Variants in ZC3H6 observed in about 807,000 individuals in gnomAD.
ZC3H6 encodes the protein zinc finger CCCH-type containing 6.
Under a neutral mutation model 107.7 loss-of-function variants are expected in ZC3H6, and 40 were observed. That is an observed-to-expected ratio of 0.37 (90% CI 0.29 to 0.48). The LOEUF (loss-of-function observed/expected upper bound fraction) is 0.48. ZC3H6 is among the 20% of genes least tolerant of loss of function. The pLI, the probability that ZC3H6 is intolerant of heterozygous loss-of-function variation, is 0.98. For synonymous variants in ZC3H6, 493 were observed against 487.9 expected, an observed-to-expected ratio of 1.01 and a Z score of -0.14; for missense variants, 1,267 against 1,410.4, an observed-to-expected ratio of 0.90 and a Z score of 1.63.
chr2:112,324,624 C>T lies in ZC3H6; in HGVS notation c.1813C>T (p.His605Tyr). Residue 605 changes from histidine (H) to tyrosine (Y), a missense_variant, in exon 10 of 12, where the codon CAT becomes TAT. By Grantham distance (83) the His-to-Tyr change is moderately conservative. Coordinates refer to ENST00000409871, the MANE Select transcript of ZC3H6 (RefSeq NM_198581.3). The stretch of plus-strand genomic sequence containing the variant: ...GTTTTACGATAATTACTATGCACAG[C>T]ATTCTATACATAATTTTCAGCCACC... The part of the protein sequence containing the change: ...AEFYDNYYAQ[H>Y]SIHNFQPPNN... 1 of 1,609,022 alleles carries T rather than the reference C, an allele frequency of 6.2e-7. No homozygotes were observed. The highest frequency in any genetic ancestry group is 2.2e-5 in the East Asian group (1 of 44,820).
At position 112,331,207 on chromosome 2, in the gene ZC3H6, C is replaced by T. The variant is rs574449160; in HGVS notation, c.2289C>T (p.Ile763=). 1.2e-6 allele frequency: 2 copies of T among 1,613,244 alleles called. No homozygotes were observed. Among genetic ancestry groups the T allele is most frequent in the Non-Finnish European group, 1.7e-6 (2 of 1,179,728 alleles). ...TGGTTGACCCTAGGCTTAGGACTAT[C>T]CCAAGGCAAGACATTAGAAAGCCTT... ...NQVVDPRLRT[I]PRQDIRKPSE... Residue 763 remains isoleucine (I), a synonymous_variant, in exon 12 of 12, where the codon ATC becomes ATT. Transcript: ENST00000409871.
Position 112,332,936 on chromosome 2 carries a change from A to G in ZC3H6, c.*448A>G, listed in dbSNP as rs1677065728. ...ACAGAACTGATTAATATGTAATGCT[A>G]CCTGCTAATTAAAATGTAAAATCAA... On this transcript the variant is annotated 3_prime_UTR_variant, in exon 12 of 12. Coordinates refer to ENST00000409871, the MANE Select transcript of ZC3H6 (RefSeq NM_198581.3). The G allele has an allele frequency of 6.5e-6, 1 of 152,972 alleles. No individual in the cohort carries two copies. Among genetic ancestry groups the G allele is most frequent in the Non-Finnish European group, 1.5e-5 (1 of 68,248 alleles). The allele number at this position is 152,972 out of a possible 1,614,324, so 9.5% of individuals were successfully genotyped here.
intron 1 of ZC3H6, among the ~76,000 whole-genome samples, chr2:112,288,138 T>G (rs185006032): frequency 4.6e-5 from 7 of 152,304 alleles, no homozygotes; most frequent in African/African-American, 1.7e-4. Context: ...GAGTGTTGCA[T>G]AGAGATGGAA....
chr2:112,277,107 A>G (rs1686441283), intron 1 of ZC3H6, among the ~76,000 whole-genome samples: 1 of 152,216 alleles, frequency 6.6e-6, no homozygotes, highest in Non-Finnish European at 1.5e-5. Context: ...TGAAATATCT[A>G]AATACCTAGC....
chr2:112,318,307 C>A (rs968788214), intron 7 of ZC3H6, among the ~76,000 whole-genome samples: 6 of 152,018 alleles, frequency 3.9e-5, no homozygotes, highest in Non-Finnish European at 8.8e-5. Context: ...AATTTTGACT[C>A]CATGAAAAAG....
At chr2:112,276,222 C>T (rs969673966) in intron 1 of ZC3H6, among the ~76,000 whole-genome samples, 196 bp downstream of exon 1, 1 of 148,418 alleles carries the variant, frequency 6.7e-6, no homozygotes, top group Admixed American at 6.7e-5. Context: ...CCCGCCTCCC[C>T]GAGCCGGGGT....
At chr2:112,322,422 T>C (rs938427280) in intron 8 of ZC3H6, among the ~76,000 whole-genome samples, 2 of 151,924 alleles carry the variant, frequency 1.3e-5, no homozygotes, top group African/African-American at 4.8e-5. Context: ...ATTTTTGCAT[T>C]TTTTGTAGAG....
At chr2:112,323,530 G>A (rs1289714080) in intron 9 of ZC3H6, among the ~76,000 whole-genome samples, 1 of 152,068 alleles carries the variant, frequency 6.6e-6, no homozygotes, top group Non-Finnish European at 1.5e-5. Context: ...CACTATTTTG[G>A]TAATATTATA....
intron 3 of ZC3H6, among the ~76,000 whole-genome samples, chr2:112,304,213 T>C (rs557617413): frequency 2.1e-4 from 32 of 152,230 alleles, no homozygotes; most frequent in African/African-American, 7.7e-4. Context: ...AAGAGAAAAA[T>C]TAAACTTTCA....
chr2:112,286,014 G>C (rs886412908), intron 1 of ZC3H6: 3 of 226,198 alleles, frequency 1.3e-5, no homozygotes, highest in Non-Finnish European at 1.8e-5. Flanking sequence ...ATGATTAATA[G>C]ATGATTTATT....
chr2:112,316,005 G>A lies in ZC3H6; in HGVS notation c.748-465G>A, dbSNP rs186926214. On this transcript the variant is annotated intron_variant, in intron 5 of 11. Coordinates refer to ENST00000409871, the MANE Select transcript of ZC3H6 (RefSeq NM_198581.3). ...GTTTTAAATGTGTAGAGTGTTTCTC[G>A]TTTTGCTGTTTGTTTTACTATGTCA... Among the ~76,000 whole-genome samples, 12 of 152,074 alleles carry A rather than the reference G, an allele frequency of 7.9e-5. No homozygotes were observed. The East Asian group carries it at 1.5e-3, about 20-fold the overall frequency.
At chr2:112,295,425 A>G (rs1676214206) in intron 1 of ZC3H6, among the ~76,000 whole-genome samples, 1 of 152,154 alleles carries the variant, frequency 6.6e-6, no homozygotes, top group African/African-American at 2.4e-5. Flanking sequence ...AATTATTTCT[A>G]TTACCTCTTC....
intron 5 of ZC3H6, among the ~76,000 whole-genome samples, chr2:112,314,966 A>G (rs1676669607): frequency 6.6e-6 from 1 of 152,190 alleles, no homozygotes; most frequent in African/African-American, 2.4e-5. Context: ...TTGAGCTGTG[A>G]ATGCTGGGGA....
At chr2:112,307,837 G>A (rs1676506518) in intron 3 of ZC3H6, among the ~76,000 whole-genome samples, 1 of 152,216 alleles carries the variant, frequency 6.6e-6, no homozygotes, top group Middle Eastern at 3.4e-3. Context: ...TTCTACTTAA[G>A]GTAAGAACAC....
rs1460037900 is a variant in ZC3H6 at position 112,299,859 on chromosome 2, G to A, written c.43G>A (p.Glu15Lys). The A allele has an allele frequency of 6.4e-6, 9 of 1,414,570 alleles. No individual in the cohort carries two copies. Among genetic ancestry groups the A allele is most frequent in the Non-Finnish European group, 7.4e-6 (8 of 1,083,334 alleles). 87.6% of individuals were successfully genotyped at this position (1,414,570 alleles called of 1,614,324 possible). A position where few individuals can be genotyped will look rare whatever the true frequency, so the allele number is the denominator to read the frequency against. The change falls in exon 2 of 12, where the codon GAA (glutamate) becomes AAA (lysine). Residue 15 changes from glutamate (E) to lysine (K), a missense_variant. Coordinates refer to ENST00000409871, the MANE Select transcript of ZC3H6 (RefSeq NM_198581.3). Reference sequence around the variant, plus strand: ...ATTTTCCTTCTATAGAGAAGATGGCGAATTAGAAGATGGTGAAATAGACGA... The same window carrying A: ...ATTTTCCTTCTATAGAGAAGATGGCAAATTAGAAGATGGTGAAATAGACGA... ...EHAGHDREDG[E>K]LEDGEIDDAG...
Position 112,334,088 on chromosome 2 carries a change from G to A in ZC3H6, c.*1600G>A, listed in dbSNP as rs1558959821. On this transcript the variant is annotated 3_prime_UTR_variant, in exon 12 of 12. Transcript: ENST00000409871. ...ACTGAAGGGAATGTGAATTTTTACC[G>A]TTTGTACTTAAGATACATTTGTTGT... 2 of 152,004 alleles carry A rather than the reference G, an allele frequency of 1.3e-5. No homozygotes were observed. Among genetic ancestry groups the A allele is most frequent in the African/African-American group, 4.8e-5 (2 of 41,420 alleles). 9.4% of individuals were successfully genotyped at this position (152,004 alleles called of 1,614,324 possible). A position where few individuals can be genotyped will look rare whatever the true frequency, so the allele number is the denominator to read the frequency against.
In ZC3H6 at chr2:112,339,744, G is replaced by A. The variant is rs1040669429; in HGVS notation, c.*7256G>A. The A allele has an allele frequency of 6.6e-6, 1 of 151,082 alleles. No homozygotes were observed. 9.4% of individuals were successfully genotyped at this position (151,082 alleles called of 1,614,324 possible). The stretch of plus-strand genomic sequence containing the variant: ...TCTACTGTAATTATTTCAGTTCCCC[G>A]AAGTTGTATCTCAAATGTTGGGGAA... On this transcript the variant is annotated 3_prime_UTR_variant, in exon 12 of 12. Coordinates refer to ENST00000409871, the MANE Select transcript of ZC3H6 (RefSeq NM_198581.3).
intron 3 of ZC3H6, among the ~76,000 whole-genome samples, chr2:112,308,789 C>T (rs1264627334): frequency 6.6e-6 from 1 of 150,726 alleles, no homozygotes; most frequent in Non-Finnish European, 1.5e-5. Context: ...CACAGTGGGT[C>T]ACACCTGTAA....
intron 3 of ZC3H6, among the ~76,000 whole-genome samples, 156 bp from the exon 4 acceptor site, chr2:112,309,729 A>G (rs1487021582): frequency 6.6e-6 from 1 of 152,214 alleles, no homozygotes; most frequent in African/African-American, 2.4e-5. Flanking sequence ...GTTAGTGTTA[A>G]GTAGTATCAT....
Sources: allele counts gnomAD v4.1 joint callset (sites outside exome capture counted in the v4.1 genomes callset), GRCh38; gene constraint gnomAD v4.1.1; transcripts MANE v1.5; gene names NCBI Gene and HGNC (gene_info 2026-07-23, HGNC 2026-07-21).